The following UBE2E2 variants were observed in gnomAD, a reference collection of about 807,000 sequenced individuals.
UBE2E2 encodes ubiquitin conjugating enzyme E2 E2.
UBE2E2 carries 6 observed loss-of-function variants against 24.7 expected under a neutral mutation model. The observed-to-expected ratio is 0.24, with a 90% CI of 0.13 to 0.48. The LOEUF (loss-of-function observed/expected upper bound fraction) is 0.48. UBE2E2 is among the 20% of genes least tolerant of loss of function. UBE2E2 has a pLI of 0.99. For synonymous variants in UBE2E2, 104 were observed against 83.6 expected, an observed-to-expected ratio of 1.24 and a Z score of -1.33; for missense variants, 169 against 245.0, an observed-to-expected ratio of 0.69 and a Z score of 2.07.
chr3:23,354,176 C>A (rs1575581519), intron 3 of UBE2E2, among the ~76,000 whole-genome samples: 1 of 152,006 alleles, frequency 6.6e-6, no homozygotes, highest in African/African-American at 2.4e-5. Flanking sequence ...GGAAAACTGG[C>A]TAGCCATATG....
chr3:23,553,961 C>G (rs925847034), intron 5 of UBE2E2, among the ~76,000 whole-genome samples: 1 of 151,774 alleles, frequency 6.6e-6, no homozygotes, highest in Non-Finnish European at 1.5e-5. Context: ...GTTAAAATGC[C>G]CATACTACCA....
At chr3:23,239,576 G>A (rs1040567222) in intron 3 of UBE2E2, among the ~76,000 whole-genome samples, 1 of 152,076 alleles carries the variant, frequency 6.6e-6, no homozygotes, top group East Asian at 1.9e-4. Flanking sequence ...CATAATTAAA[G>A]CATTTAGTTT....
intron 3 of UBE2E2, among the ~76,000 whole-genome samples, chr3:23,489,628 A>G (rs9812300): frequency 0.29 from 44,775 of 152,038 alleles, 7,113 homozygotes; most frequent in African/African-American, 0.4. Context: ...TAACAACAAT[A>G]GTTTCATGGG....
At chr3:23,274,234 G>A (rs1295537685) in intron 3 of UBE2E2, among the ~76,000 whole-genome samples, 1 of 152,124 alleles carries the variant, frequency 6.6e-6, no homozygotes, top group Non-Finnish European at 1.5e-5. Flanking sequence ...TTTAAGTTAT[G>A]AAACTCATAT....
chr3:23,239,167 A>G, intron 3 of UBE2E2, among the ~76,000 whole-genome samples: 1 of 152,154 alleles, frequency 6.6e-6, no homozygotes, highest in Non-Finnish European at 1.5e-5. Flanking sequence ...TCTCAACCTC[A>G]GTTATGATAC....
At chr3:23,532,243 ATTC>A (rs1695140635) in intron 4 of UBE2E2, among the ~76,000 whole-genome samples, 1 of 152,204 alleles carries the variant, frequency 6.6e-6, no homozygotes, top group South Asian at 2.1e-4. Flanking sequence ...CCCCATGAAC[ATTC>A]CTGTAGTTGT....
At chr3:23,455,762 A>G (rs1049757424) in intron 3 of UBE2E2, among the ~76,000 whole-genome samples, 2 of 152,152 alleles carry the variant, frequency 1.3e-5, no homozygotes, top group Non-Finnish European at 2.9e-5. Flanking sequence ...GGGAGTCATA[A>G]TCTTTTTGCT....
intron 3 of UBE2E2, among the ~76,000 whole-genome samples, chr3:23,370,538 C>T (rs943071053): frequency 6.6e-6 from 1 of 152,132 alleles, no homozygotes; most frequent in Non-Finnish European, 1.5e-5. Context: ...AATATAGAAT[C>T]AGATTTATGG....
chr3:23,579,565 C>T (rs1282060601), intron 5 of UBE2E2, among the ~76,000 whole-genome samples: 4 of 150,710 alleles, frequency 2.7e-5, no homozygotes, highest in African/African-American at 7.3e-5. Flanking sequence ...CCAGGCATGA[C>T]GGTTTGTGTC....
At chr3:23,428,274 A>G (rs530383784) in intron 3 of UBE2E2, among the ~76,000 whole-genome samples, 6 of 152,354 alleles carry the variant, frequency 3.9e-5, no homozygotes, top group African/African-American at 1.4e-4. Flanking sequence ...ATACTTGGAG[A>G]TTTGACAACA....
intron 2 of UBE2E2, among the ~76,000 whole-genome samples, chr3:23,211,474 T>C (rs1575472671): frequency 6.7e-6 from 1 of 150,232 alleles, no homozygotes; most frequent in Non-Finnish European, 1.5e-5. Flanking sequence ...TGGTATGATC[T>C]CCAACTCCTG....
chr3:23,300,721 T>C (rs766486309), intron 3 of UBE2E2, among the ~76,000 whole-genome samples: 130 of 152,276 alleles, frequency 8.5e-4, no homozygotes, highest in South Asian at 1.5e-3. Flanking sequence ...TTAACATTTT[T>C]TCCTTCATTT....
chr3:23,342,693 T>C (rs1038362595), intron 3 of UBE2E2, among the ~76,000 whole-genome samples: 3 of 152,214 alleles, frequency 2.0e-5, no homozygotes, highest in Non-Finnish European at 2.9e-5. Flanking sequence ...CAAGAATACA[T>C]ACATGTATAT....
intron 3 of UBE2E2, among the ~76,000 whole-genome samples, chr3:23,361,189 G>T (rs1397122840): frequency 5.3e-5 from 8 of 152,146 alleles, no homozygotes; most frequent in Admixed American, 1.3e-4. Context: ...AGATGTTGGT[G>T]TGAATGTGGT....
At chr3:23,409,173 G>A (rs937259817) in intron 3 of UBE2E2, among the ~76,000 whole-genome samples, 3 of 152,074 alleles carry the variant, frequency 2.0e-5, no homozygotes, top group Admixed American at 1.3e-4. Context: ...TGTGCCTTGG[G>A]ATGAATGTAG....
At chr3:23,503,390 C>G (rs1694334339) in intron 4 of UBE2E2, among the ~76,000 whole-genome samples, 1 of 151,618 alleles carries the variant, frequency 6.6e-6, no homozygotes, top group Non-Finnish European at 1.5e-5. Flanking sequence ...AGGGTTTCGC[C>G]ATGTTGGCCA....
At chr3:23,560,621 A>C (rs1468158004) in intron 5 of UBE2E2, among the ~76,000 whole-genome samples, 1 of 152,018 alleles carries the variant, frequency 6.6e-6, no homozygotes, top group Non-Finnish European at 1.5e-5. Context: ...TTCTAGTTCT[A>C]GATCCTTGAG....
chr3:23,221,315 A>T (rs1477114628), intron 3 of UBE2E2, among the ~76,000 whole-genome samples: 1 of 152,232 alleles, frequency 6.6e-6, no homozygotes, highest in Non-Finnish European at 1.5e-5. Context: ...TTATTGAGAT[A>T]TAAAGTGTAA....
At chr3:23,352,250 T>C (rs1695776856) in intron 3 of UBE2E2, among the ~76,000 whole-genome samples, 1 of 151,376 alleles carries the variant, frequency 6.6e-6, no homozygotes, top group South Asian at 2.1e-4. Context: ...AGAGGGAAAT[T>C]TATAGCACTA....
Sources: gnomAD v4.1 joint callset for allele counts (sites outside exome capture counted in the v4.1 genomes callset) on GRCh38, gnomAD v4.1.1 for gene constraint, MANE v1.5 for transcripts, NCBI Gene and HGNC (gene_info 2026-07-23, HGNC 2026-07-21) for gene names.